FRAS1: variants seen among roughly 807,000 people sequenced by gnomAD.
FRAS1 encodes extracellular matrix organizing protein FRAS1.
Under a neutral mutation model 435.2 loss-of-function variants are expected in FRAS1, and 290 were observed. The ratio of observed to expected loss-of-function variants is 0.67; its 90% CI spans 0.61 to 0.73. The LOEUF (loss-of-function observed/expected upper bound fraction) is 0.73. FRAS1 is among the 30% of genes least tolerant of loss of function. The pLI is 0.00. For missense variants in FRAS1, 4,860 were observed against 5,001.5 expected, an observed-to-expected ratio of 0.97 and a Z score of 0.85; for synonymous variants, 1,800 against 1,851.0, an observed-to-expected ratio of 0.97 and a Z score of 0.71.
chr4:78,370,013 T>A, intron 23 of FRAS1, 29 bp downstream of exon 23: 1 of 1,602,804 alleles, frequency 6.2e-7, no homozygotes, highest in Non-Finnish European at 8.5e-7. Context: ...TGTGTAAAGA[T>A]TCTTTTACAC....
At position 78,237,502 on chromosome 4, in the gene FRAS1, C is replaced by T. The variant is rs1053235219; in HGVS notation, c.109-8C>T. 1.2e-6 allele frequency: 2 copies of T among 1,608,672 alleles called. No individual in the cohort carries two copies. Among genetic ancestry groups the T allele is most frequent in the Non-Finnish European group, 1.7e-6 (2 of 1,175,352 alleles). On this transcript the variant is annotated splice_region_variant and splice_polypyrimidine_tract_variant and intron_variant, in intron 2 of 73. Coordinates refer to ENST00000512123, the MANE Select transcript of FRAS1 (RefSeq NM_025074.7). ...AGTTTTTAAATCAGAGCTTATGCCT[C>T]TTTACAGGATGCCACAATTTGGAAG... is the stretch of plus-strand genomic sequence containing the variant.
At chr4:78,363,446 T>C (rs2110295948) in intron 20 of FRAS1, 67 bp from the exon 21 acceptor site, 1 of 1,472,986 alleles carries the variant, frequency 6.8e-7, no homozygotes, top group Middle Eastern at 2.2e-4. Flanking sequence ...TCTGCCCTTC[T>C]GTGCAGTGAT....
intron 14 of FRAS1, among the ~76,000 whole-genome samples, chr4:78,307,592 T>C (rs550335416): frequency 1.3e-5 from 2 of 152,244 alleles, no homozygotes; most frequent in African/African-American, 4.8e-5. Context: ...AAAAGCGCAG[T>C]ATTCGGGTGG....
chr4:78,515,606 C>T (rs1037130849), intron 65 of FRAS1, among the ~76,000 whole-genome samples, 193 bp from the exon 66 acceptor site: 1 of 152,186 alleles, frequency 6.6e-6, no homozygotes, highest in African/African-American at 2.4e-5. Flanking sequence ...CAACACCTGG[C>T]AACAGCAGTT....
intron 18 of FRAS1, among the ~76,000 whole-genome samples, chr4:78,321,978 T>C (rs1021514535): frequency 3.9e-4 from 59 of 152,314 alleles, no homozygotes; most frequent in African/African-American, 1.3e-3. Context: ...TTATTAGATA[T>C]CATACATATA....
intron 14 of FRAS1, 78 bp from the exon 15 acceptor site, chr4:78,307,988 T>C (rs935930778): frequency 2.1e-6 from 3 of 1,411,650 alleles, no homozygotes; most frequent in Admixed American, 2.4e-5. Flanking sequence ...CCTTGTGTAT[T>C]CTAAAATATT....
chr4:78,165,776 A>C (rs1244359192), intron 2 of FRAS1, among the ~76,000 whole-genome samples: 2 of 152,146 alleles, frequency 1.3e-5, no homozygotes, highest in Admixed American at 1.3e-4. Context: ...TGACTGGACA[A>C]CAAGATGAGA....
chr4:78,357,251 C>T (rs367674585), intron 20 of FRAS1, among the ~76,000 whole-genome samples: 1 of 152,148 alleles, frequency 6.6e-6, no homozygotes, highest in East Asian at 1.9e-4. Context: ...GGCACCCTAT[C>T]ATTATCCCTG....
chr4:78,141,508 G>A, intron 2 of FRAS1, among the ~76,000 whole-genome samples: 1 of 152,106 alleles, frequency 6.6e-6, no homozygotes, highest in East Asian at 1.9e-4. Context: ...TCTGCTTAAA[G>A]GCATAAGAAA....
At chr4:78,275,931 C>A (rs1029442763) in intron 9 of FRAS1, among the ~76,000 whole-genome samples, 1 of 152,182 alleles carries the variant, frequency 6.6e-6, no homozygotes, top group Admixed American at 6.5e-5. Context: ...GTTCCATTCT[C>A]CCCGTCACTT....
intron 2 of FRAS1, among the ~76,000 whole-genome samples, chr4:78,208,862 C>T (rs533069490): frequency 7.2e-5 from 11 of 152,122 alleles, no homozygotes; most frequent in Middle Eastern, 3.4e-3. Context: ...AGGGGTTGGG[C>T]GCATCAGATC....
At chr4:78,084,248 T>G (rs1741040862) in intron 2 of FRAS1, among the ~76,000 whole-genome samples, 1 of 152,124 alleles carries the variant, frequency 6.6e-6, no homozygotes, top group South Asian at 2.1e-4. Flanking sequence ...TTATTCTATT[T>G]TACTATGAGT....
chr4:78,318,816 ACTC>A lies in FRAS1; in HGVS notation c.1973_1975del (p.Ser658del). 1 of 1,557,618 alleles carries A rather than the reference ACTC, an allele frequency of 6.4e-7. No individual in the cohort carries two copies. Among genetic ancestry groups the A allele is most frequent in the Non-Finnish European group, 8.7e-7 (1 of 1,148,250 alleles). ...ATTTTATTTCCATTTGCAGCCTGTCACTCCTCCTGCCTGGCTTGTATGGGTCCC... is the reference window on the plus strand; with the variant it reads ...ATTTTATTTCCATTTGCAGCCTGTCACTCCTGCCTGGCTTGTATGGGTCCC... On this transcript the variant is annotated inframe_deletion, in exon 18 of 74. Transcript: ENST00000512123.
Position 78,508,752 on chromosome 4 carries a change from G to A in FRAS1, c.9526G>A (p.Asp3176Asn), listed in dbSNP as rs965596227. The stretch of plus-strand genomic sequence containing the variant: ...GCAGGTGGTCACACTTGCTGACTAT[G>A]ACCATGTGGAAGAAGTTACCAAGGA... ...PPIVVTLADY[D>N]HVEEVTKEGV... The change falls in exon 63 of 74, where the codon GAC (aspartate) becomes AAC (asparagine). Residue 3176 changes from aspartate to asparagine, a missense_variant. By Grantham distance (23) the Asp-to-Asn change is conservative (BLOSUM62 1). Coordinates refer to ENST00000512123, the MANE Select transcript of FRAS1 (RefSeq NM_025074.7). The A allele has an allele frequency of 1.4e-5, 23 of 1,613,620 alleles. No individual in the cohort carries two copies. Among genetic ancestry groups the A allele is most frequent in the Non-Finnish European group, 1.8e-5 (21 of 1,179,830 alleles).
At chr4:78,075,462 C>G (rs909149523) in intron 2 of FRAS1, among the ~76,000 whole-genome samples, 6 of 152,108 alleles carry the variant, frequency 3.9e-5, no homozygotes, top group Non-Finnish European at 8.8e-5. Flanking sequence ...GTTACCGCAG[C>G]CAGCAGCAGT....
intron 71 of FRAS1, among the ~76,000 whole-genome samples, chr4:78,534,961 C>T (rs12648204): frequency 3.4e-3 from 522 of 152,080 alleles, no homozygotes; most frequent in Middle Eastern, 6.8e-3. Flanking sequence ...AGTCTCAAAA[C>T]GATGCCAAAC....
At chr4:78,164,698 C>T (rs780415064) in intron 2 of FRAS1, among the ~76,000 whole-genome samples, 15 of 152,090 alleles carry the variant, frequency 9.9e-5, no homozygotes, top group Non-Finnish European at 1.2e-4. Context: ...ATAGGTACAA[C>T]TTAGTTAATA....
At chr4:78,283,110 C>A in intron 12 of FRAS1, 143 bp downstream of exon 12, 2 of 614,744 alleles carry the variant, frequency 3.3e-6, no homozygotes, top group Non-Finnish European at 5.0e-6. Flanking sequence ...ATTTTTCTAA[C>A]AAATGATGCT....
At chr4:78,436,871 C>CAT (rs769568608) in intron 38 of FRAS1, among the ~76,000 whole-genome samples, 2 of 152,012 alleles carry the variant, frequency 1.3e-5, no homozygotes, top group Non-Finnish European at 2.9e-5. Context: ...GGGCCACATA[C>CAT]ATAAATGTTA....
Sources: allele counts gnomAD v4.1 joint callset (sites outside exome capture counted in the v4.1 genomes callset), GRCh38; gene constraint gnomAD v4.1.1; transcripts MANE v1.5; gene names NCBI Gene and HGNC (gene_info 2026-07-23, HGNC 2026-07-21).